SCFD2: variants seen among roughly 807,000 people sequenced by gnomAD.
SCFD2 encodes the protein sec1 family domain containing 2.
Under a neutral mutation model 58.9 loss-of-function variants are expected in SCFD2, and 54 were observed. The ratio of observed to expected loss-of-function variants is 0.92; its 90% CI spans 0.74 to 1.15. The LOEUF is 1.15. Ranked by LOEUF, SCFD2 falls within the 50% of genes most tolerant of loss-of-function variation. SCFD2 has a pLI of 0.00. For synonymous variants in SCFD2, 321 were observed against 335.9 expected (o/e 0.96, Z 0.49); for missense variants, 805 against 836.6 (o/e 0.96, Z 0.47).
intron 2 of SCFD2, among the ~76,000 whole-genome samples, chr4:53,341,378 G>A (rs1489659349): frequency 1.1e-4 from 17 of 152,164 alleles, no homozygotes; most frequent in South Asian, 4.1e-4. Context: ...TCAAATGAAC[G>A]AAATGAAGCA....
chr4:52,940,403 G>A lies in SCFD2; in HGVS notation c.1562-19533C>T, dbSNP rs1291902217. ...GGCTCTCCTGAGTGGAAATGTCAGAGTAGGGGCTGCTAGGTCACAATGTAG... is the reference window on the plus strand; with the variant it reads ...GGCTCTCCTGAGTGGAAATGTCAGAATAGGGGCTGCTAGGTCACAATGTAG... On this transcript the variant is annotated intron_variant, in intron 5 of 8. Coordinates refer to ENST00000401642, the MANE Select transcript of SCFD2 (RefSeq NM_152540.4). 2.0e-5 allele frequency among the ~76,000 whole-genome samples: 3 copies of A among 152,214 alleles called. 1 individual carries two copies. Among genetic ancestry groups the A allele is most frequent in the Admixed American group, 1.3e-4 (2 of 15,282 alleles).
intron 6 of SCFD2, among the ~76,000 whole-genome samples, chr4:52,915,407 T>C (rs998883787): frequency 1.3e-5 from 2 of 152,236 alleles, no homozygotes; most frequent in Non-Finnish European, 1.5e-5. Context: ...GTATTCATTT[T>C]GTTTCAACCC....
chr4:53,224,259 T>C (rs757971868), intron 4 of SCFD2, among the ~76,000 whole-genome samples: 1 of 151,936 alleles, frequency 6.6e-6, no homozygotes, highest in Non-Finnish European at 1.5e-5. Flanking sequence ...CGTGGTGGCA[T>C]GTGCCTGTAA....
chr4:53,253,745 G>T (rs1338758495), intron 4 of SCFD2, among the ~76,000 whole-genome samples: 1 of 113,470 alleles, frequency 8.8e-6, no homozygotes, highest in African/African-American at 3.4e-5. Flanking sequence ...GTCGTGGGGT[G>T]GGGGGAGGGG....
At chr4:53,194,644 T>A (rs1451896649) in intron 4 of SCFD2, among the ~76,000 whole-genome samples, 2 of 152,040 alleles carry the variant, frequency 1.3e-5, no homozygotes, top group Non-Finnish European at 2.9e-5. Context: ...TAACACAGAT[T>A]TAGGATAACT....
intron 5 of SCFD2, among the ~76,000 whole-genome samples, chr4:52,934,601 C>T (rs1265147950): frequency 1.3e-5 from 2 of 152,184 alleles, no homozygotes; most frequent in African/African-American, 2.4e-5. Flanking sequence ...AATGCACCTC[C>T]AGGGCCTTCT....
chr4:53,090,369 A>C (rs1017276464), intron 5 of SCFD2, among the ~76,000 whole-genome samples: 1 of 152,228 alleles, frequency 6.6e-6, no homozygotes, highest in Non-Finnish European at 1.5e-5. Flanking sequence ...AAGAGATAGA[A>C]TGGAAAAGGA....
intron 4 of SCFD2, among the ~76,000 whole-genome samples, chr4:53,216,261 G>T (rs190447255): frequency 2.5e-3 from 377 of 152,294 alleles, no homozygotes; most frequent in African/African-American, 8.7e-3. Flanking sequence ...ATTCGGCTGT[G>T]AATTCGTCTG....
intron 5 of SCFD2, among the ~76,000 whole-genome samples, chr4:53,138,005 G>A (rs72624193): frequency 0.082 from 12,423 of 152,046 alleles, 730 homozygotes; most frequent in East Asian, 0.24. Context: ...TAAGAGTCTC[G>A]TCCACTTACC....
At chr4:53,347,653 T>C (rs1443901705) in intron 2 of SCFD2, among the ~76,000 whole-genome samples, 1 of 152,128 alleles carries the variant, frequency 6.6e-6, no homozygotes, top group Non-Finnish European at 1.5e-5. Flanking sequence ...AGAGGAACTT[T>C]AAGAGCCAAA....
chr4:53,119,985 G>T (rs1334977996), intron 5 of SCFD2, among the ~76,000 whole-genome samples: 3 of 152,142 alleles, frequency 2.0e-5, no homozygotes, highest in Non-Finnish European at 4.4e-5. Flanking sequence ...TCATAACCAG[G>T]AAAGCAAGGG....
intron 4 of SCFD2, among the ~76,000 whole-genome samples, chr4:53,170,584 T>C (rs1005157072): frequency 1.3e-5 from 2 of 152,182 alleles, no homozygotes; most frequent in African/African-American, 2.4e-5. Context: ...CCATTGGAAA[T>C]TTGATAGAAA....
chr4:53,276,144 C>T (rs977665283), intron 3 of SCFD2, among the ~76,000 whole-genome samples: 62 of 151,692 alleles, frequency 4.1e-4, no homozygotes, highest in African/African-American at 1.4e-3. Flanking sequence ...AATTCTTAAG[C>T]TTTATTTTAT....
In SCFD2 at chr4:53,365,371, G is replaced by A. The variant is rs754577508; in HGVS notation, c.571C>T (p.Arg191Ter). ...CTTCCCAGCTTCCTCTTGTCCGGTCGGGCGCTATTAAGGAGGTGCACATCC... is the reference window on the plus strand; with the variant it reads ...CTTCCCAGCTTCCTCTTGTCCGGTCAGGCGCTATTAAGGAGGTGCACATCC... Reference protein sequence around the residue: ...PQDVHLLNSARPDKRKLGSLG... With the variant: ...PQDVHLLNSA Residue 191 changes from arginine to a stop codon, truncating the protein, a stop_gained, in exon 1 of 9, where the codon CGA becomes TGA. Transcript: ENST00000401642. LOFTEE classifies it high-confidence loss of function. This position sits in a 1 kb window ranked among gnomAD's most constrained non-coding sequence, Gnocchi z 4.3. 14 of 1,614,154 alleles carry A rather than the reference G, an allele frequency of 8.7e-6. No homozygotes were observed. In the South Asian group the frequency reaches 1.4e-4, roughly 16 times the overall value.
intron 2 of SCFD2, among the ~76,000 whole-genome samples, chr4:53,333,717 C>A (rs13136766): frequency 0.41 from 32,541 of 78,702 alleles, 7,683 homozygotes; most frequent in Middle Eastern, 0.52. Flanking sequence ...AAAACACCAA[C>A]AGCAATGGCA....
At chr4:53,162,848 A>G (rs988970777) in intron 4 of SCFD2, among the ~76,000 whole-genome samples, 2 of 151,526 alleles carry the variant, frequency 1.3e-5, no homozygotes, top group Non-Finnish European at 2.9e-5. Context: ...TTAAAGTATA[A>G]TAATAATAAA....
At chr4:53,098,033 T>C (rs1320465525) in intron 5 of SCFD2, among the ~76,000 whole-genome samples, 2 of 152,248 alleles carry the variant, frequency 1.3e-5, no homozygotes, top group African/African-American at 4.8e-5. Context: ...GATTTGCCTA[T>C]GTTGAACCAG....
At chr4:52,984,398 G>A (rs949320369) in intron 5 of SCFD2, among the ~76,000 whole-genome samples, 7 of 152,194 alleles carry the variant, frequency 4.6e-5, no homozygotes, top group African/African-American at 1.7e-4. Context: ...TCATTGTCAA[G>A]GGTGTTCTAT....
chr4:53,254,302 A>C (rs1489612476), intron 4 of SCFD2, among the ~76,000 whole-genome samples: 5 of 151,898 alleles, frequency 3.3e-5, no homozygotes, highest in Non-Finnish European at 4.4e-5. Flanking sequence ...TAACGGGTGA[A>C]TCTCACAAGA....
Sources: gnomAD v4.1 joint callset for allele counts (sites outside exome capture counted in the v4.1 genomes callset) on GRCh38, gnomAD v4.1.1 for gene constraint, Gnocchi (gnomAD v3.1) non-coding constraint, MANE v1.5 for transcripts, NCBI Gene and HGNC (gene_info 2026-07-23, HGNC 2026-07-21) for gene names.